Variants in THSD4 observed in about 807,000 individuals in gnomAD.
THSD4 encodes the protein thrombospondin type-1 domain-containing protein 4.
Under a neutral mutation model 119.0 loss-of-function variants are expected in THSD4, and 69 were observed. That is an observed-to-expected ratio of 0.58 (90% CI 0.48 to 0.71). The LOEUF (loss-of-function observed/expected upper bound fraction) is 0.71, where lower values mean the gene tolerates loss of function less well. Among genes scored for constraint, THSD4 ranks in the 30% least tolerant of loss-of-function variants. THSD4 has a pLI of 0.00. For missense variants in THSD4, 1,393 were observed against 1,391.1 expected, an observed-to-expected ratio of 1.00 and a Z score of -0.02; for synonymous variants, 524 against 540.4, an observed-to-expected ratio of 0.97 and a Z score of 0.42.
At chr15:71,425,798 A>G (rs1043841306) in intron 7 of THSD4, among the ~76,000 whole-genome samples, 3 of 152,214 alleles carry the variant, frequency 2.0e-5, no homozygotes, top group Non-Finnish European at 4.4e-5. Context: ...AACTCATCAC[A>G]GAGTTTTCTC....
At chr15:71,114,246 A>G (rs752540206), upstream of THSD4, among the ~76,000 whole-genome samples, 45 of 151,608 alleles carry the variant, frequency 3.0e-4, no homozygotes, top group Non-Finnish European at 5.6e-4. Context: ...CTGGAGGACA[A>G]TCTTCCCTGG....
At position 71,165,451 on chromosome 15, in the gene THSD4, G is replaced by A. The variant is rs544114458; in HGVS notation, c.99+10519G>A. 7.8e-5 allele frequency: 108 copies of A among 1,389,980 alleles called. No homozygotes were observed. In the African/African-American group the frequency reaches 1.4e-3, roughly 18 times the overall value. 86.1% of individuals were successfully genotyped at this position (1,389,980 alleles called of 1,614,324 possible). A position where few individuals can be genotyped will look rare whatever the true frequency, so the allele number is the denominator to read the frequency against. On this transcript the variant is annotated intron_variant, in intron 3 of 17. Coordinates refer to ENST00000261862, the MANE Select transcript of THSD4 (RefSeq NM_024817.3). Reference sequence around the variant, plus strand: ...TTTTTCCTCAGCGAGGCACAGAGTCGCCCAGTGCCCGTCCGGCTCTCACTT... The same window carrying A: ...TTTTTCCTCAGCGAGGCACAGAGTCACCCAGTGCCCGTCCGGCTCTCACTT...
chr15:71,292,968 A>G (rs932498326), intron 6 of THSD4, among the ~76,000 whole-genome samples: 2 of 152,086 alleles, frequency 1.3e-5, no homozygotes, highest in African/African-American at 4.8e-5. Flanking sequence ...GAGCCACCGC[A>G]CCTGGCCAAA....
chr15:71,752,434 G>A (rs1318539522), intron 14 of THSD4, among the ~76,000 whole-genome samples: 5 of 152,174 alleles, frequency 3.3e-5, no homozygotes, highest in Non-Finnish European at 7.4e-5. Flanking sequence ...TCTTTCGTTC[G>A]TTTTGGAAAA....
chr15:71,597,635 CT>C (rs143237597), intron 7 of THSD4, among the ~76,000 whole-genome samples: 1,539 of 152,310 alleles, frequency 0.01, 19 homozygotes, highest in Non-Finnish European at 0.017. Context: ...GAGAAGACTC[CT>C]GGTCAAACCA....
At chr15:71,166,278 G>T (rs2043294361) in intron 3 of THSD4, among the ~76,000 whole-genome samples, 1 of 152,168 alleles carries the variant, frequency 6.6e-6, no homozygotes, top group Admixed American at 6.5e-5. Flanking sequence ...AATGACGGTG[G>T]AACCTCAGAG....
chr15:71,474,088 G>A (rs2047623596), intron 7 of THSD4, among the ~76,000 whole-genome samples: 1 of 152,194 alleles, frequency 6.6e-6, no homozygotes, highest in Admixed American at 6.5e-5. Context: ...GGGAATCCCA[G>A]TGTCCTAGTC....
At chr15:71,627,661 T>C (rs2050535091) in intron 7 of THSD4, among the ~76,000 whole-genome samples, 1 of 152,204 alleles carries the variant, frequency 6.6e-6, no homozygotes, top group Non-Finnish European at 1.5e-5. Context: ...TCTCTTCTTA[T>C]AAATTAAGAA....
At chr15:71,318,066 T>TG (rs1042682897) in intron 6 of THSD4, among the ~76,000 whole-genome samples, 11 of 152,096 alleles carry the variant, frequency 7.2e-5, no homozygotes, top group African/African-American at 1.7e-4. Context: ...CAGTGGCTTT[T>TG]GGGGGGCAGT....
At chr15:71,596,648 A>C (rs1026295362) in intron 7 of THSD4, among the ~76,000 whole-genome samples, 3 of 152,206 alleles carry the variant, frequency 2.0e-5, no homozygotes, top group Non-Finnish European at 4.4e-5. Context: ...GACAGGGTCT[A>C]GGTTGATCCT....
At chr15:71,480,695 G>C (rs2047717448) in intron 7 of THSD4, among the ~76,000 whole-genome samples, 1 of 152,150 alleles carries the variant, frequency 6.6e-6, no homozygotes, top group Admixed American at 6.5e-5. Flanking sequence ...GGAGTGCAAA[G>C]CCCAATCACA....
At chr15:71,476,556 C>T (rs1046908526) in intron 7 of THSD4, among the ~76,000 whole-genome samples, 1 of 152,188 alleles carries the variant, frequency 6.6e-6, no homozygotes, top group Non-Finnish European at 1.5e-5. Context: ...CCTTGTATAT[C>T]CCTGATACTC....
intron 3 of THSD4, among the ~76,000 whole-genome samples, chr15:71,158,256 T>G (rs2040800673): frequency 6.7e-6 from 1 of 148,650 alleles, no homozygotes; most frequent in Non-Finnish European, 1.5e-5. Flanking sequence ...TGGGCTCAAG[T>G]GATTCTTCTG....
intron 7 of THSD4, among the ~76,000 whole-genome samples, chr15:71,444,893 C>T (rs1208661412): frequency 6.6e-6 from 1 of 152,044 alleles, no homozygotes; most frequent in Non-Finnish European, 1.5e-5. Context: ...TAAATTATTC[C>T]CCTGCCTCTG....
At chr15:71,493,360 TC>T (rs2047954071) in intron 7 of THSD4, among the ~76,000 whole-genome samples, 1 of 152,236 alleles carries the variant, frequency 6.6e-6, no homozygotes, top group Non-Finnish European at 1.5e-5. Flanking sequence ...ATAATTTTTA[TC>T]CTTTCCTCTG....
intron 7 of THSD4, among the ~76,000 whole-genome samples, chr15:71,502,457 A>G (rs189544512): frequency 7.2e-5 from 11 of 152,364 alleles, no homozygotes; most frequent in African/African-American, 2.2e-4. Flanking sequence ...AAAGGAACAC[A>G]ATATTTTATC....
chr15:71,233,378 C>T (rs1183347422), intron 4 of THSD4, among the ~76,000 whole-genome samples: 2 of 152,102 alleles, frequency 1.3e-5, no homozygotes, highest in African/African-American at 4.8e-5. Flanking sequence ...GTCTACTGCC[C>T]AGGGGAAATC....
intron 6 of THSD4, among the ~76,000 whole-genome samples, chr15:71,275,174 G>A (rs1050043109): frequency 2.6e-5 from 4 of 152,088 alleles, no homozygotes; most frequent in Non-Finnish European, 5.9e-5. Context: ...CAGAGTCACC[G>A]AGAAGTTACA....
intron 6 of THSD4, among the ~76,000 whole-genome samples, chr15:71,336,987 A>G (rs2043815917): frequency 6.6e-6 from 1 of 152,146 alleles, no homozygotes; most frequent in Non-Finnish European, 1.5e-5. Flanking sequence ...GGGCCTTCCA[A>G]TCCTTGGGCT....
Sources: gnomAD v4.1 joint callset for allele counts (sites outside exome capture counted in the v4.1 genomes callset) on GRCh38, gnomAD v4.1.1 for gene constraint, MANE v1.5 for transcripts, NCBI Gene and HGNC (gene_info 2026-07-23, HGNC 2026-07-21) for gene names.